MYO19: variants seen among roughly 807,000 people sequenced by gnomAD.
MYO19 encodes the protein myosin XIX, also known as unconventional myosin-XIX.
In MYO19, 132 loss-of-function variants were observed where a neutral mutation model predicts 129.2. That is an observed-to-expected ratio of 1.02 (90% CI 0.89 to 1.18). The LOEUF (loss-of-function observed/expected upper bound fraction) is 1.18. Among genes scored for constraint, MYO19 ranks in the 50% most tolerant of loss-of-function variants. The pLI is 0.00. For synonymous variants in MYO19, 531 were observed against 477.2 expected, an observed-to-expected ratio of 1.11 and a Z score of -1.47; for missense variants, 1,210 against 1,216.7, an observed-to-expected ratio of 0.99 and a Z score of 0.08.
intron 19 of MYO19, chr17:36,504,471 T>C (rs377126475): frequency 6.3e-6 from 1 of 159,324 alleles, no homozygotes; most frequent in African/African-American, 2.4e-5. Flanking sequence ...CAGAGCTGAG[T>C]TGTCCTGGCT....
At chr17:36,540,097 A>G (rs1217782694) in intron 2 of MYO19, among the ~76,000 whole-genome samples, 5 of 152,138 alleles carry the variant, frequency 3.3e-5, no homozygotes. Context: ...AGAGAGCTGG[A>G]GAGGCAGGCA....
At chr17:36,527,166 CAAAATAAA>C (rs1000780246) in intron 5 of MYO19, among the ~76,000 whole-genome samples, 9 of 148,990 alleles carry the variant, frequency 6.0e-5, no homozygotes, top group South Asian at 2.1e-4. Context: ...AACTCCATCT[CAAAATAAA>C]TAAATAAATA....
rs761365341 is a variant in MYO19 at position 36,499,172 on chromosome 17, G to C, written c.2378-12C>G. 1 of 1,591,362 alleles carries C rather than the reference G, an allele frequency of 6.3e-7. No homozygotes were observed. Among genetic ancestry groups the C allele is most frequent in the African/African-American group, 1.3e-5 (1 of 74,602 alleles). On this transcript the variant is annotated splice_polypyrimidine_tract_variant and intron_variant, in intron 23 of 25. Transcript: ENST00000614623. ...CCAGGAACGAATGGCTAAGAGGTTT[G>C]CCCAGAAACAGGAAAGAGATAATAA...
rs77071718 is a variant in MYO19, at chr17:36,510,996, G to A, written c.986-79C>T. The A allele has an allele frequency of 2.7e-4, 387 of 1,459,984 alleles. 1 individual carries two copies. In the African/African-American group the frequency reaches 4.2e-3, roughly 16 times the overall value. The allele number at this position is 1,459,984 out of a possible 1,614,324, so 90.4% of individuals were successfully genotyped here. A position where few individuals can be genotyped will look rare whatever the true frequency, so the allele number is the denominator to read the frequency against. On this transcript the variant is annotated intron_variant, in intron 12 of 25. Coordinates refer to ENST00000614623, the MANE Select transcript of MYO19 (RefSeq NM_001163735.2). ...CGAGGCACTGTGAAGTCATCACAGC[G>A]GGACCATGACTTGCCCAACTGGACA...
chr17:36,512,404 A>AAG (rs1555575937), intron 11 of MYO19, among the ~76,000 whole-genome samples: 4 of 151,722 alleles, frequency 2.6e-5, no homozygotes, highest in East Asian at 1.9e-4. Flanking sequence ...AAAAAAAAAA[A>AAG]AAAGAAAAAA....
intron 6 of MYO19, among the ~76,000 whole-genome samples, chr17:36,522,054 A>T (rs561458548): frequency 9.2e-5 from 14 of 151,356 alleles, no homozygotes; most frequent in African/African-American, 3.4e-4. Flanking sequence ...AAAAGAAAAG[A>T]AAAAGAAAAA....
At chr17:36,537,617 T>C, upstream of MYO19, 1 of 1,614,126 alleles carries the variant, frequency 6.2e-7, no homozygotes, top group African/African-American at 1.3e-5. Context: ...TTGGAGTAGG[T>C]GGCTTTGTTT....
chr17:36,507,118 T>C lies in MYO19; in HGVS notation c.1489A>G (p.Ser497Gly). 1.9e-6 allele frequency: 3 copies of C among 1,604,946 alleles called. No homozygotes were observed. The highest frequency in any genetic ancestry group is 2.6e-6 in the Non-Finnish European group (3 of 1,172,966). The change falls in exon 17 of 26, where the codon AGC (serine) becomes GGC (glycine). Residue 497 changes from serine (S) to glycine (G), a missense_variant. By Grantham distance (56) the Ser-to-Gly change is moderately conservative. Coordinates refer to ENST00000614623, the MANE Select transcript of MYO19 (RefSeq NM_001163735.2). ...INEECRLNRP[S>G]SAAQLQTRIE... ...CGTGTCTGGAGCTGGGCTGCGCTGCTGGGTCGATTGAGGCGGCATTCCTGT... is the reference window on the plus strand; with the variant it reads ...CGTGTCTGGAGCTGGGCTGCGCTGCCGGGTCGATTGAGGCGGCATTCCTGT...
chr17:36,533,897 G>A (rs939102977), intron 2 of MYO19, 56 bp downstream of exon 2: 3 of 152,232 alleles, frequency 2.0e-5, no homozygotes, highest in Non-Finnish European at 2.9e-5. Context: ...TTTACAAAAC[G>A]GAGTGATAAT....
chr17:36,521,355 T>G (rs1000511284), intron 6 of MYO19, among the ~76,000 whole-genome samples: 3 of 152,068 alleles, frequency 2.0e-5, no homozygotes, highest in African/African-American at 4.8e-5. Context: ...AGAAAAAAAC[T>G]AGAATGTAGA....
In MYO19 at chr17:36,500,933, G is replaced by A. The variant is rs770625185; in HGVS notation, c.2274C>T (p.Ala758=). ...SMLELLECGR[A]RVLEQCARCI... ...AGCGGGCACACTGCTCCAGCACCCGGGCACGCCCACATTCCAGAAGCTCCA... is the reference window on the plus strand; with the variant it reads ...AGCGGGCACACTGCTCCAGCACCCGAGCACGCCCACATTCCAGAAGCTCCA... The change falls in exon 23 of 26, where the codon GCC becomes GCT. Residue 758 remains alanine (A), a synonymous_variant. Coordinates refer to ENST00000614623, the MANE Select transcript of MYO19 (RefSeq NM_001163735.2). 1.2e-5 allele frequency: 19 copies of A among 1,611,488 alleles called. No individual in the cohort carries two copies. The highest frequency in any genetic ancestry group is 1.5e-5 in the Non-Finnish European group (18 of 1,178,862).
upstream of MYO19, chr17:36,538,739 A>G: frequency 3.6e-6 from 3 of 838,442 alleles, no homozygotes; most frequent in Non-Finnish European, 5.5e-6. Context: ...TCAGTCATCT[A>G]AACAGCAGTG....
At chr17:36,512,918 G>A (rs1486936777) in intron 11 of MYO19, 1 of 929,866 alleles carries the variant, frequency 1.1e-6, no homozygotes, top group African/African-American at 1.7e-5. Context: ...CACGGGTTGG[G>A]GGAAGACAGA....
upstream of MYO19, chr17:36,537,955 TA>T (rs1423357175): frequency 2.5e-6 from 4 of 1,614,126 alleles, no homozygotes; most frequent in South Asian, 4.4e-5. Flanking sequence ...AAGAGGTTAA[TA>T]TTATATGGCA....
At position 36,498,347 on chromosome 17, in the gene MYO19, G is replaced by T. The variant is rs962453818; in HGVS notation, c.2676C>A (p.Leu892=). Residue 892 remains leucine, a synonymous_variant, in exon 25 of 26, where the codon CTC becomes CTA. Coordinates refer to ENST00000614623, the MANE Select transcript of MYO19 (RefSeq NM_001163735.2). The part of the protein sequence containing the change: ...RKLVVWACLQ[L]PRGSPSSYTV... The stretch of plus-strand genomic sequence containing the variant: ...TGTAGCTACTGGGGCTGCCCCTGGG[G>T]AGCTGGAGGCAAGCCCAGACCACTA... 2 of 1,613,908 alleles carry T rather than the reference G, an allele frequency of 1.2e-6. No individual in the cohort carries two copies. The highest frequency in any genetic ancestry group is 2.7e-5 in the African/African-American group (2 of 74,936).
intron 2 of MYO19, chr17:36,541,935 T>C (rs774470467): frequency 3.9e-5 from 6 of 152,218 alleles, no homozygotes; most frequent in Non-Finnish European, 8.8e-5. Flanking sequence ...TGAAAAATTA[T>C]TTTGCCATGA....
chr17:36,517,116 T>C (rs1599341967), intron 6 of MYO19, among the ~76,000 whole-genome samples: 2 of 152,356 alleles, frequency 1.3e-5, no homozygotes, highest in East Asian at 3.9e-4. Flanking sequence ...TTCATCTAAA[T>C]TGTATAATTT....
intron 3 of MYO19, among the ~76,000 whole-genome samples, chr17:36,531,080 T>G (rs2073806602): frequency 6.6e-6 from 1 of 150,478 alleles, no homozygotes; most frequent in South Asian, 2.1e-4. Flanking sequence ...AAAATAAAAA[T>G]AAATAAACAA....
chr17:36,543,655 G>A (rs552673938), upstream of MYO19, among the ~76,000 whole-genome samples: 3 of 151,416 alleles, frequency 2.0e-5, no homozygotes, highest in South Asian at 6.3e-4. Flanking sequence ...ATGGAGTTTC[G>A]CTCTTGTTGC....
Sources: gnomAD v4.1 joint callset for allele counts (sites outside exome capture counted in the v4.1 genomes callset) on GRCh38, gnomAD v4.1.1 for gene constraint, MANE v1.5 for transcripts, NCBI Gene and HGNC (gene_info 2026-07-23, HGNC 2026-07-21) for gene names.